REG3A: variants seen among roughly 807,000 people sequenced by gnomAD.
REG3A encodes the protein regenerating family member 3 alpha.
A neutral mutation model predicts 20.5 loss-of-function variants in REG3A; 15 were observed. The observed-to-expected ratio is 0.73, with a 90% CI of 0.49 to 1.12. The LOEUF is 1.12. Ranked by LOEUF, REG3A falls within the 50% of genes most tolerant of loss-of-function variation. The pLI is 0.00. For synonymous variants in REG3A, 93 were observed against 83.2 expected (o/e 1.12, Z -0.64); for missense variants, 224 against 213.1 (o/e 1.05, Z -0.32).
chr2:79,157,104 A>G lies in REG3A; in HGVS notation c.*122T>C. Reference sequence around the variant, plus strand: ...GGGAGGAAGAAACAGAAGAAAGATAAGAATGAGGTGGTCAGGTTGGGGGAA... The same window carrying G: ...GGGAGGAAGAAACAGAAGAAAGATAGGAATGAGGTGGTCAGGTTGGGGGAA... On this transcript the variant is annotated 3_prime_UTR_variant, in exon 6 of 6. Coordinates refer to ENST00000305165, the MANE Select transcript of REG3A (RefSeq NM_002580.3). 1 of 747,394 alleles carries G rather than the reference A, an allele frequency of 1.3e-6. No individual in the cohort carries two copies. Among genetic ancestry groups the G allele is most frequent in the South Asian group, 1.6e-5 (1 of 61,990 alleles). 46.3% of individuals were successfully genotyped at this position (747,394 alleles called of 1,614,324 possible).
rs1322129314 is a variant in REG3A at position 79,158,722 on chromosome 2, T to C, written c.124A>G (p.Lys42Glu). The change falls in exon 3 of 6, where the codon AAA becomes GAA. Residue 42 changes from lysine to glutamate, a missense_variant. Physicochemically the swap from Lys to Glu is moderately conservative, Grantham distance 56. Transcript: ENST00000305165. ...ELPSARIRCP[K>E]GSKAYGSHCY... ...TGGGAGCCATAGGCCTTGGAGCCTT[T>C]GGGACAGCGGATCCGTGCAGAGGGC... 6.2e-7 allele frequency: 1 copy of C among 1,614,026 alleles called. No individual in the cohort carries two copies. Among genetic ancestry groups the C allele is most frequent in the Non-Finnish European group, 8.5e-7 (1 of 1,179,990 alleles).
Position 79,157,138 on chromosome 2 carries a change from A to C in REG3A, c.*88T>G. The C allele has an allele frequency of 2.0e-6, 2 of 1,018,776 alleles. No homozygotes were observed. The highest frequency in any genetic ancestry group is 3.5e-5 in the Admixed American group (2 of 57,532). The allele number at this position is 1,018,776 out of a possible 1,614,324, so 63.1% of individuals were successfully genotyped here. ...TGGTCAGGTTGGGGGAATTAAGCGAATATTCTCTTCCAGGGTGAGTCCTCA... is the reference window on the plus strand; with the variant it reads ...TGGTCAGGTTGGGGGAATTAAGCGACTATTCTCTTCCAGGGTGAGTCCTCA... On this transcript the variant is annotated 3_prime_UTR_variant, in exon 6 of 6. Transcript: ENST00000305165.
chr2:79,157,831 G>A lies in REG3A; in HGVS notation c.334-133C>T, dbSNP rs1673350319. The A allele has an allele frequency of 3.4e-6, 4 of 1,168,026 alleles. No homozygotes were observed. The East Asian group carries it at 7.3e-5, about 21-fold the overall frequency. 72.4% of individuals were successfully genotyped at this position (1,168,026 alleles called of 1,614,324 possible). ...GTCTGCTATTCCAGATGCTGCCGGT[G>A]AGTAGGAAACTCTTCCTTGACTCCT... On this transcript the variant is annotated intron_variant, in intron 4 of 5. Coordinates refer to ENST00000305165, the MANE Select transcript of REG3A (RefSeq NM_002580.3).
chr2:79,157,808 C>G, intron 4 of REG3A, 110 bp from the exon 5 acceptor site: 1 of 1,412,562 alleles, frequency 7.1e-7, no homozygotes, highest in Non-Finnish European at 9.6e-7. Flanking sequence ...GAAAGTTGGT[C>G]TGCTATTCCA....
At chr2:79,157,340 G>T in intron 5 of REG3A, 47 bp from the exon 6 acceptor site, 2 of 1,576,994 alleles carry the variant, frequency 1.3e-6, no homozygotes, top group South Asian at 1.1e-5. Context: ...GGAAGCTTGT[G>T]AATCCAATGA....
At chr2:79,159,028 T>C in intron 2 of REG3A, 1 of 578,312 alleles carries the variant, frequency 1.7e-6, no homozygotes, top group Non-Finnish European at 3.1e-6. Flanking sequence ...CATTGGGTCC[T>C]CCAATCATTG....
rs952698463 is a variant in REG3A, at chr2:79,157,165, A to C, written c.*61T>G. ...ATTCTCTTCCAGGGTGAGTCCTCACACTGGTCTCATGCCCATGATGAGTTG... is the reference window on the plus strand; with the variant it reads ...ATTCTCTTCCAGGGTGAGTCCTCACCCTGGTCTCATGCCCATGATGAGTTG... On this transcript the variant is annotated 3_prime_UTR_variant, in exon 6 of 6. Transcript: ENST00000305165. The C allele has an allele frequency of 7.7e-7, 1 of 1,297,054 alleles. No homozygotes were observed. Among genetic ancestry groups the C allele is most frequent in the Non-Finnish European group, 1.1e-6 (1 of 890,722 alleles). The allele number at this position is 1,297,054 out of a possible 1,614,324, so 80.3% of individuals were successfully genotyped here. A position where few individuals can be genotyped will look rare whatever the true frequency, so the allele number is the denominator to read the frequency against.
At chr2:79,157,815 TC>T in intron 4 of REG3A, 117 bp from the exon 5 acceptor site, 1 of 1,332,630 alleles carries the variant, frequency 7.5e-7, no homozygotes, top group Non-Finnish European at 1.0e-6. Context: ...GGTCTGCTAT[TC>T]CAGATGCTGC....
At chr2:79,157,729 G>A in intron 4 of REG3A, 31 bp from the exon 5 acceptor site, 1 of 1,606,194 alleles carries the variant, frequency 6.2e-7, no homozygotes, top group Non-Finnish European at 8.5e-7. Context: ...CCAGGTGAAG[G>A]GAATGGCCAT....
chr2:79,157,345 C>T (rs1412660614), intron 5 of REG3A, 52 bp from the exon 6 acceptor site: 2 of 1,562,828 alleles, frequency 1.3e-6, no homozygotes, highest in Non-Finnish European at 1.8e-6. Context: ...CTTGTGAATC[C>T]AATGAAGGGG....
chr2:79,157,551 G>C (rs1459073775), intron 5 of REG3A, 21 bp downstream of exon 5: 1 of 1,611,572 alleles, frequency 6.2e-7, no homozygotes, highest in Non-Finnish European at 8.5e-7. Flanking sequence ...ACTGGGAAGA[G>C]GCAGCTCCTC....
At chr2:79,158,564 T>C (rs1436110949) in intron 3 of REG3A, 87 bp downstream of exon 3, 23 of 1,604,732 alleles carry the variant, frequency 1.4e-5, no homozygotes, top group Admixed American at 3.3e-5. Context: ...ATAAACGTGT[T>C]CATCCTCATT....
rs749642414 is a variant in REG3A, at chr2:79,157,328, G to T, written c.461-35C>A. The T allele has an allele frequency of 2.9e-5, 47 of 1,597,364 alleles. No individual in the cohort carries two copies. The South Asian group carries it at 4.6e-4, about 16-fold the overall frequency. On this transcript the variant is annotated intron_variant, in intron 5 of 5. Transcript: ENST00000305165. The stretch of plus-strand genomic sequence containing the variant: ...CAGAAGACATAAATGGAATGGGGCT[G>T]AGGAAGCTTGTGAATCCAATGAAGG...
chr2:79,158,526 G>T lies in REG3A; in HGVS notation c.196-63C>A, dbSNP rs181480668. On this transcript the variant is annotated intron_variant, in intron 3 of 5. Coordinates refer to ENST00000305165, the MANE Select transcript of REG3A (RefSeq NM_002580.3). Reference sequence around the variant, plus strand: ...ACCTGCTGAGGGAGGGCAGGGCAAAGGTAGGTGGGAGGAGGACTGTGTGAA... The same window carrying T: ...ACCTGCTGAGGGAGGGCAGGGCAAATGTAGGTGGGAGGAGGACTGTGTGAA... 1.1e-4 allele frequency: 184 copies of T among 1,609,080 alleles called. No individual in the cohort carries two copies. In the African/African-American group the frequency reaches 1.9e-3, roughly 17 times the overall value.
intron 3 of REG3A, 77 bp from the exon 4 acceptor site, chr2:79,158,540 G>C (rs367672910): frequency 1.9e-6 from 3 of 1,604,416 alleles, no homozygotes. Flanking sequence ...GGTGGGAGGA[G>C]GACTGTGTGA....
Position 79,159,316 on chromosome 2 carries a change from C to G in REG3A, c.76+14G>C. 1 of 1,613,818 alleles carries G rather than the reference C, an allele frequency of 6.2e-7. No individual in the cohort carries two copies. The highest frequency in any genetic ancestry group is 1.1e-5 in the South Asian group (1 of 91,056). On this transcript the variant is annotated intron_variant, in intron 2 of 5. Transcript: ENST00000305165. ...TTCATAGGGAACCCAGTGCTAGAGG[C>G]AAAGCAATCTCACCTTGAACCTGAG... is the stretch of plus-strand genomic sequence containing the variant.
intron 2 of REG3A, 58 bp downstream of exon 2, chr2:79,159,272 C>T: frequency 6.4e-7 from 1 of 1,571,100 alleles, no homozygotes; most frequent in Non-Finnish European, 8.8e-7. Context: ...AGCCTTCCTC[C>T]TCTTGTTAGC....
Position 79,158,661 on chromosome 2 carries a change from G to C in REG3A, c.185C>G (p.Thr62Arg), listed in dbSNP as rs77686105. 6.7e-7 allele frequency: 1 copy of C among 1,501,138 alleles called. No individual in the cohort carries two copies. The highest frequency in any genetic ancestry group is 1.9e-5 in the Admixed American group (1 of 51,434). The allele number at this position is 1,501,138 out of a possible 1,614,324, so 93.0% of individuals were successfully genotyped here. The change falls in exon 3 of 6, where the codon ACA becomes AGA. Residue 62 changes from threonine to arginine, a missense_variant. Transcript: ENST00000305165. ...YALFLSPKSWTDADLACQKRP... is the reference protein window; with the variant it reads ...YALFLSPKSWRDADLACQKRP... ...CATCTAACCACTCACATCTGCATCT[G>C]TCCAGGATTTTGGTGACAAAAACAA...
At chr2:79,157,411 C>T in intron 5 of REG3A, 118 bp from the exon 6 acceptor site, 1 of 1,440,606 alleles carries the variant, frequency 6.9e-7, no homozygotes, top group Non-Finnish European at 9.7e-7. Flanking sequence ...ACCAGTGTCC[C>T]AATCCAGGAG....
Sources: gnomAD v4.1 joint callset for allele counts on GRCh38, gnomAD v4.1.1 for gene constraint, MANE v1.5 for transcripts, NCBI Gene and HGNC (gene_info 2026-07-23, HGNC 2026-07-21) for gene names.